Variants in AFDN observed in about 807,000 individuals in gnomAD.
The protein encoded by AFDN is afadin.
AFDN carries 68 observed loss-of-function variants against 216.6 expected under a neutral mutation model. The observed-to-expected ratio is 0.31, with a 90% confidence interval of 0.26 to 0.38. The LOEUF is 0.38. AFDN is among the 10% of genes least tolerant of loss of function. The probability of loss-of-function intolerance (pLI) is 1.00; values close to 1 mark genes in which losing one functional copy is unlikely to be tolerated. For missense variants in AFDN, 2,136 were observed against 2,342.0 expected, an observed-to-expected ratio of 0.91 and a Z score of 1.82; for synonymous variants, 868 against 853.7, an observed-to-expected ratio of 1.02 and a Z score of -0.29.
Position 167,966,328 on chromosome 6 carries a change from A to C in AFDN, c.5257+283A>C. On this transcript the variant is annotated intron_variant, in intron 32 of 33. Coordinates refer to ENST00000683244, the MANE Select transcript of AFDN (RefSeq NM_001386888.1). ...TTGTCTTAATGATTGGAACCTCAGC[A>C]TCTCTCTGCACACTTGCCCTGTAGT... 4 of 1,359,814 alleles carry C rather than the reference A, an allele frequency of 2.9e-6. No homozygotes were observed. In the African/African-American group the frequency reaches 5.8e-5, roughly 20 times the overall value. The allele number at this position is 1,359,814 out of a possible 1,614,324, so 84.2% of individuals were successfully genotyped here. A position where few individuals can be genotyped will look rare whatever the true frequency, so the allele number is the denominator to read the frequency against.
At chr6:167,931,648 AATAC>A (rs758666809) in intron 23 of AFDN, among the ~76,000 whole-genome samples, 1 of 152,036 alleles carries the variant, frequency 6.6e-6, no homozygotes, top group Non-Finnish European at 1.5e-5. Context: ...AAAGTCATCT[AATAC>A]ATACACACTG....
chr6:167,904,238 C>G (rs1388661813), intron 12 of AFDN, among the ~76,000 whole-genome samples: 1 of 151,530 alleles, frequency 6.6e-6, no homozygotes, highest in Non-Finnish European at 1.5e-5. Context: ...GAGACAGAGT[C>G]TGCTCTCTCT....
At chr6:167,867,757 T>C (rs2128238202) in intron 2 of AFDN, among the ~76,000 whole-genome samples, 1 of 152,320 alleles carries the variant, frequency 6.6e-6, no homozygotes, top group Admixed American at 6.5e-5. Flanking sequence ...GCTAGTCTCA[T>C]GGCCTCCTAT....
At chr6:167,873,805 G>A (rs1785043850) in intron 4 of AFDN, among the ~76,000 whole-genome samples, 1 of 152,208 alleles carries the variant, frequency 6.6e-6, no homozygotes, top group Non-Finnish European at 1.5e-5. Flanking sequence ...TTTTGTTGGA[G>A]TGGCCTGTCC....
At position 167,880,666 on chromosome 6, in the gene AFDN, A is replaced by G. The variant is rs535197682; in HGVS notation, c.897+149A>G. On this transcript the variant is annotated intron_variant, in intron 6 of 33. Coordinates refer to ENST00000683244, the MANE Select transcript of AFDN (RefSeq NM_001386888.1). ...TCATGTGCTAAATATATATTTTTAAAAAGCAGTCTCCCTTCCATTACAAAA... is the reference window on the plus strand; with the variant it reads ...TCATGTGCTAAATATATATTTTTAAGAAGCAGTCTCCCTTCCATTACAAAA... 4.5e-5 allele frequency: 34 copies of G among 752,352 alleles called. 2 individuals carry two copies. In the South Asian group the frequency reaches 6.5e-4, roughly 14 times the overall value. The allele number at this position is 752,352 out of a possible 1,614,324, so 46.6% of individuals were successfully genotyped here.
chr6:167,943,532 A>G, intron 25 of AFDN, 57 bp downstream of exon 25: 2 of 1,391,066 alleles, frequency 1.4e-6, no homozygotes, highest in African/African-American at 1.4e-5. Flanking sequence ...TGATTTTTGC[A>G]TTAAATGTTG....
intron 22 of AFDN, 79 bp from the exon 23 acceptor site, chr6:167,924,926 G>T: frequency 1.0e-6 from 1 of 982,446 alleles, no homozygotes. Context: ...GAACATGATT[G>T]ACTAGATCAT....
intron 21 of AFDN, 135 bp downstream of exon 21, chr6:167,919,068 C>G: frequency 1.4e-6 from 1 of 727,226 alleles, no homozygotes; most frequent in South Asian, 1.7e-5. Flanking sequence ...CCGTGTTCCA[C>G]TGACTTGGAG....
intron 5 of AFDN, 37 bp downstream of exon 5, chr6:167,875,532 C>T (rs375018264): frequency 1.7e-5 from 27 of 1,603,036 alleles, no homozygotes; most frequent in Non-Finnish European, 1.9e-5. Flanking sequence ...CTACCTGTTA[C>T]AAAGAGCATT....
At chr6:167,925,625 A>G (rs1039574631) in intron 23 of AFDN, among the ~76,000 whole-genome samples, 3 of 152,140 alleles carry the variant, frequency 2.0e-5, no homozygotes, top group African/African-American at 7.2e-5. Context: ...TATAGTTCTG[A>G]TAGGTGTTGA....
At chr6:167,905,644 G>A (rs985379360) in intron 12 of AFDN, among the ~76,000 whole-genome samples, 3 of 142,482 alleles carry the variant, frequency 2.1e-5, no homozygotes, top group African/African-American at 9.3e-5. Flanking sequence ...GCATTTTTTA[G>A]TACTTTAAAG....
chr6:167,839,100 A>G (rs866819216), intron 1 of AFDN, among the ~76,000 whole-genome samples: 38 of 152,152 alleles, frequency 2.5e-4, no homozygotes, highest in African/African-American at 8.4e-4. Context: ...ACCTGTTTAT[A>G]ATTTGTGTAG....
intron 33 of AFDN, 118 bp downstream of exon 33, chr6:167,969,316 G>A: frequency 1.3e-6 from 1 of 773,734 alleles, no homozygotes; most frequent in Non-Finnish European, 2.2e-6. Context: ...GACCTCACCT[G>A]GATTGTAATT....
At chr6:167,915,525 C>G in intron 19 of AFDN, 92 bp downstream of exon 19, 1 of 1,424,410 alleles carries the variant, frequency 7.0e-7, no homozygotes, top group South Asian at 1.4e-5. Context: ...AGCAAAACCT[C>G]AATACCCTCT....
intron 23 of AFDN, among the ~76,000 whole-genome samples, chr6:167,937,057 T>C (rs1419234233): frequency 6.6e-6 from 1 of 151,784 alleles, no homozygotes; most frequent in Non-Finnish European, 1.5e-5. Flanking sequence ...TAACCAGAGG[T>C]GATAGGAGGG....
intron 8 of AFDN, among the ~76,000 whole-genome samples, chr6:167,893,015 A>C (rs1476725480): frequency 6.6e-6 from 1 of 152,154 alleles, no homozygotes; most frequent in Non-Finnish European, 1.5e-5. Context: ...CAGGTAATTC[A>C]CACAGTGGGA....
intron 1 of AFDN, among the ~76,000 whole-genome samples, chr6:167,849,773 G>A (rs963524460): frequency 2.6e-5 from 4 of 152,212 alleles, no homozygotes; most frequent in Non-Finnish European, 5.9e-5. Flanking sequence ...CTACTTCACT[G>A]ATTGGTTCTT....
intron 23 of AFDN, among the ~76,000 whole-genome samples, chr6:167,931,002 T>C (rs1397866444): frequency 7.1e-6 from 1 of 140,094 alleles, no homozygotes; most frequent in African/African-American, 2.5e-5. Context: ...TACAATAGGG[T>C]CGTGGCAGTG....
rs1363994420 is a variant in AFDN at position 167,847,863 on chromosome 6, A to G, written c.106-16688A>G. 2.6e-5 allele frequency among the ~76,000 whole-genome samples: 4 copies of G among 151,292 alleles called. No homozygotes were observed. The South Asian group carries it at 6.3e-4, about 24-fold the overall frequency. ...GTAATGTTTCTATTCAGACTCCCCAATTTTTTTTTAATCACTCAGTGTACC... is the reference window on the plus strand; with the variant it reads ...GTAATGTTTCTATTCAGACTCCCCAGTTTTTTTTTAATCACTCAGTGTACC... On this transcript the variant is annotated intron_variant, in intron 1 of 33. Coordinates refer to ENST00000683244, the MANE Select transcript of AFDN (RefSeq NM_001386888.1).
Sources: allele counts gnomAD v4.1 joint callset (sites outside exome capture counted in the v4.1 genomes callset), GRCh38; gene constraint gnomAD v4.1.1; transcripts MANE v1.5; gene names NCBI Gene and HGNC (gene_info 2026-07-23, HGNC 2026-07-21).